The following KDM4B variants were observed in gnomAD, a reference collection of about 807,000 sequenced individuals.
The protein encoded by KDM4B is lysine-specific demethylase 4B.
In KDM4B, 32 loss-of-function variants were observed where a neutral mutation model predicts 125.2. The ratio of observed to expected loss-of-function variants is 0.26; its 90% CI spans 0.19 to 0.34. KDM4B has a LOEUF of 0.34. Ranked by LOEUF, KDM4B falls within the 10% of genes least tolerant of loss-of-function variation. The pLI is 1.00. For missense variants in KDM4B, 1,190 were observed against 1,577.7 expected (o/e 0.75, Z 4.16); for synonymous variants, 721 against 677.9 (o/e 1.06, Z -0.99).
chr19:5,111,713 C>T (rs1294810423), intron 10 of KDM4B: 1 of 758,576 alleles, frequency 1.3e-6, no homozygotes, highest in African/African-American at 1.7e-5. Context: ...ACAGAGTGGG[C>T]TCAGCCAACT....
At chr19:4,974,047 A>G (rs9676980) in intron 1 of KDM4B, among the ~76,000 whole-genome samples, 57,382 of 151,412 alleles carry the variant, frequency 0.38, 11,441 homozygotes, top group East Asian at 0.73. Context: ...GGAGAATTGC[A>G]CCGAGATCCT....
intron 1 of KDM4B, among the ~76,000 whole-genome samples, chr19:5,014,994 C>CA (rs772116720): frequency 1.8e-3 from 188 of 103,320 alleles, no homozygotes; most frequent in Middle Eastern, 0.011. Flanking sequence ...GAGTCCGTCT[C>CA]AAAAAAAAAA....
At chr19:5,046,557 G>A (rs1015764433) in intron 5 of KDM4B, among the ~76,000 whole-genome samples, 3 of 152,190 alleles carry the variant, frequency 2.0e-5, no homozygotes, top group African/African-American at 4.8e-5. Context: ...GGCTCCTCTC[G>A]GCCTCTCAGC....
chr19:5,096,044 C>T (rs1305329280), intron 9 of KDM4B, among the ~76,000 whole-genome samples: 1 of 151,496 alleles, frequency 6.6e-6, no homozygotes, highest in Non-Finnish European at 1.5e-5. Flanking sequence ...ATGTAGGCCA[C>T]AGACTGAGGC....
intron 11 of KDM4B, among the ~76,000 whole-genome samples, chr19:5,127,505 G>A (rs1026354489): frequency 1.1e-4 from 16 of 152,334 alleles, no homozygotes; most frequent in African/African-American, 2.9e-4. Flanking sequence ...CAGCAGGTGC[G>A]GGCTATGCGT....
chr19:5,031,579 G>T (rs923585138), intron 2 of KDM4B, among the ~76,000 whole-genome samples: 1 of 152,242 alleles, frequency 6.6e-6, no homozygotes, highest in Non-Finnish European at 1.5e-5. Flanking sequence ...CCAGCGCGGG[G>T]TGTGACGTCA....
intron 9 of KDM4B, among the ~76,000 whole-genome samples, chr19:5,094,890 T>C (rs1439037862): frequency 6.6e-6 from 1 of 152,164 alleles, no homozygotes; most frequent in East Asian, 1.9e-4. Flanking sequence ...GGCCGTGTCC[T>C]GGGCAGCGCA....
At chr19:4,998,814 C>G (rs2035280668) in intron 1 of KDM4B, among the ~76,000 whole-genome samples, 1 of 152,108 alleles carries the variant, frequency 6.6e-6, no homozygotes, top group Admixed American at 6.6e-5. Flanking sequence ...TTAAATGTCC[C>G]CCAGGTGGGT....
intron 7 of KDM4B, among the ~76,000 whole-genome samples, chr19:5,072,943 T>A (rs1444673927): frequency 1.3e-5 from 2 of 152,146 alleles, no homozygotes; most frequent in African/African-American, 4.8e-5. Flanking sequence ...AGAGGCCACC[T>A]GCATCCCTTG....
intron 11 of KDM4B, among the ~76,000 whole-genome samples, chr19:5,127,519 G>A (rs1169674230): frequency 6.6e-6 from 1 of 152,224 alleles, no homozygotes; most frequent in African/African-American, 2.4e-5. Context: ...TATGCGTGGA[G>A]TGCGTTGAGG....
intron 1 of KDM4B, among the ~76,000 whole-genome samples, chr19:4,981,282 C>G (rs1335012742): frequency 6.6e-6 from 1 of 152,126 alleles, no homozygotes; most frequent in African/African-American, 2.4e-5. Context: ...CTGAGTCCAC[C>G]ACACCAGGGC....
intron 6 of KDM4B, among the ~76,000 whole-genome samples, chr19:5,069,319 T>A (rs61442081): frequency 0.03 from 4,625 of 152,170 alleles, 238 homozygotes; most frequent in African/African-American, 0.1. Context: ...TTATTTTTTT[T>A]AATTTTTTGA....
chr19:5,055,258 G>A (rs879656138), intron 6 of KDM4B, among the ~76,000 whole-genome samples: 2 of 152,214 alleles, frequency 1.3e-5, no homozygotes, highest in Admixed American at 6.5e-5. Context: ...GGCACTCACC[G>A]GGGCTCCCAC....
At chr19:5,069,841 A>G (rs976576339) in intron 6 of KDM4B, among the ~76,000 whole-genome samples, 1 of 151,344 alleles carries the variant, frequency 6.6e-6, no homozygotes, top group Non-Finnish European at 1.5e-5. Context: ...TCCTGACCTC[A>G]GGTGATCTGC....
At chr19:5,112,635 C>T (rs1178783539) in intron 10 of KDM4B, 1 of 152,354 alleles carries the variant, frequency 6.6e-6, no homozygotes, top group African/African-American at 2.4e-5. Context: ...GTCCATCTGT[C>T]TGTGAGTCTG....
intron 6 of KDM4B, among the ~76,000 whole-genome samples, chr19:5,064,489 G>A (rs898242256): frequency 1.3e-5 from 2 of 152,132 alleles, no homozygotes; most frequent in African/African-American, 4.8e-5. Flanking sequence ...GGAGGAGAGC[G>A]TTTTCATCCC....
At chr19:5,146,287 C>T (rs2039844582) in intron 21 of KDM4B, among the ~76,000 whole-genome samples, 1 of 151,878 alleles carries the variant, frequency 6.6e-6, no homozygotes, top group Non-Finnish European at 1.5e-5. Context: ...CCACTCTCGA[C>T]CTGTCACTGA....
chr19:5,137,181 C>T (rs2613790), intron 15 of KDM4B, 81 bp from the exon 16 acceptor site: 433,258 of 950,874 alleles, frequency 0.46, 102,285 homozygotes, highest in East Asian at 0.68. Context: ...CCAAGTTACC[C>T]GGCCCCTCCC....
chr19:5,138,292 G>T, intron 18 of KDM4B: 1 of 563,852 alleles, frequency 1.8e-6, no homozygotes, highest in Non-Finnish European at 3.2e-6. Flanking sequence ...AAGGCATCAA[G>T]GGTGGCAGAG....
Sources: allele counts gnomAD v4.1 joint callset (sites outside exome capture counted in the v4.1 genomes callset), GRCh38; gene constraint gnomAD v4.1.1; transcripts MANE v1.5; gene names NCBI Gene and HGNC (gene_info 2026-07-23, HGNC 2026-07-21).